ADAM22: variants seen among roughly 807,000 people sequenced by gnomAD.
ADAM22 encodes ADAM metallopeptidase domain 22.
A neutral mutation model predicts 144.6 loss-of-function variants in ADAM22; 65 were observed. That is an observed-to-expected ratio of 0.45 (90% CI 0.37 to 0.55). The LOEUF is 0.55. ADAM22 is among the 20% of genes least tolerant of loss of function. The probability of loss-of-function intolerance (pLI) is 0.00; values close to 1 mark genes in which losing one functional copy is unlikely to be tolerated. For missense variants in ADAM22, 974 were observed against 1,184.9 expected (o/e 0.82, Z 2.61); for synonymous variants, 391 against 412.6 (o/e 0.95, Z 0.63).
intron 2 of ADAM22, among the ~76,000 whole-genome samples, chr7:87,942,757 C>T (rs1366815572): frequency 1.3e-5 from 2 of 152,308 alleles, no homozygotes; most frequent in Non-Finnish European, 2.9e-5. Flanking sequence ...CTCTCTGTTA[C>T]ACTCGTTCAT....
At chr7:87,990,644 G>T (rs549016835) in intron 3 of ADAM22, among the ~76,000 whole-genome samples, 1 of 151,832 alleles carries the variant, frequency 6.6e-6, no homozygotes, top group African/African-American at 2.4e-5. Context: ...CTAAACAAAA[G>T]GTACATTTAT....
At chr7:88,153,394 AG>A in intron 21 of ADAM22, 68 bp downstream of exon 21, 2 of 1,318,920 alleles carry the variant, frequency 1.5e-6, no homozygotes, top group Non-Finnish European at 2.1e-6. Context: ...TTGAGTGACT[AG>A]GAAGTTTCTG....
intron 7 of ADAM22, among the ~76,000 whole-genome samples, chr7:88,121,372 AT>A (rs1829263578): frequency 6.6e-6 from 1 of 152,162 alleles, no homozygotes; most frequent in African/African-American, 2.4e-5. Context: ...GTGTTTGGTC[AT>A]TTTTAGTGTA....
chr7:88,013,219 G>T (rs929045047), intron 3 of ADAM22, among the ~76,000 whole-genome samples: 1 of 152,124 alleles, frequency 6.6e-6, no homozygotes, highest in Non-Finnish European at 1.5e-5. Flanking sequence ...TATTCTCTAT[G>T]TTCACCTGTT....
chr7:87,997,061 C>G (rs189533724), intron 3 of ADAM22, among the ~76,000 whole-genome samples: 5 of 152,304 alleles, frequency 3.3e-5, no homozygotes, highest in African/African-American at 9.6e-5. Context: ...AACTGTTTAA[C>G]TCTGAAAACT....
chr7:88,097,822 C>A (rs1280874746), intron 4 of ADAM22, among the ~76,000 whole-genome samples: 2 of 152,062 alleles, frequency 1.3e-5, no homozygotes, highest in East Asian at 1.9e-4. Context: ...GCTAAAAAGT[C>A]CATATAGAGT....
chr7:88,121,263 A>G (rs553406040), intron 7 of ADAM22, among the ~76,000 whole-genome samples: 5 of 152,084 alleles, frequency 3.3e-5, no homozygotes, highest in Non-Finnish European at 7.4e-5. Flanking sequence ...CTGCTTGTCA[A>G]TTTCTATAAT....
At chr7:87,997,335 G>A (rs537881759) in intron 3 of ADAM22, among the ~76,000 whole-genome samples, 8 of 152,290 alleles carry the variant, frequency 5.3e-5, no homozygotes, top group East Asian at 1.9e-4. Flanking sequence ...CACTTAATAC[G>A]CATGAATTAG....
At chr7:88,045,547 TG>T (rs1337420978) in intron 3 of ADAM22, among the ~76,000 whole-genome samples, 2 of 152,228 alleles carry the variant, frequency 1.3e-5, no homozygotes, top group Non-Finnish European at 2.9e-5. Flanking sequence ...CATGTTTTTA[TG>T]GTGAGAACAT....
chr7:88,153,424 G>A (rs900992722), intron 21 of ADAM22, 98 bp downstream of exon 21: 4 of 944,590 alleles, frequency 4.2e-6, no homozygotes, highest in Non-Finnish European at 4.8e-6. Flanking sequence ...ATCACACAAA[G>A]TGTGCTCTTG....
intron 14 of ADAM22, among the ~76,000 whole-genome samples, chr7:88,141,123 T>G (rs1834503580): frequency 6.6e-6 from 1 of 152,236 alleles, no homozygotes; most frequent in African/African-American, 2.4e-5. Context: ...AAAGTTTACT[T>G]GGGTTCATTT....
At chr7:88,029,014 G>GTA (rs1799648681) in intron 3 of ADAM22, among the ~76,000 whole-genome samples, 1 of 151,896 alleles carries the variant, frequency 6.6e-6, no homozygotes, top group Admixed American at 6.6e-5. Flanking sequence ...TACATAGTCA[G>GTA]TATATATATT....
intron 2 of ADAM22, among the ~76,000 whole-genome samples, chr7:87,947,123 T>C (rs1843871061): frequency 6.6e-6 from 1 of 152,158 alleles, no homozygotes; most frequent in African/African-American, 2.4e-5. Flanking sequence ...ATCTGCGTGA[T>C]AGGATCATTC....
At chr7:87,962,520 T>C (rs796776364) in intron 2 of ADAM22, among the ~76,000 whole-genome samples, 124 of 152,292 alleles carry the variant, frequency 8.1e-4, no homozygotes, top group East Asian at 4.2e-3. Flanking sequence ...TTCTGATTCC[T>C]GAATACAACA....
At chr7:88,065,294 T>C (rs184470701) in intron 3 of ADAM22, among the ~76,000 whole-genome samples, 75 of 152,232 alleles carry the variant, frequency 4.9e-4, no homozygotes, top group African/African-American at 1.5e-3. Context: ...CAAACTCTAA[T>C]TGAAGAGTTT....
At chr7:88,030,399 C>A (rs1799962694) in intron 3 of ADAM22, among the ~76,000 whole-genome samples, 1 of 152,146 alleles carries the variant, frequency 6.6e-6, no homozygotes, top group Non-Finnish European at 1.5e-5. Flanking sequence ...TCCTTAATTT[C>A]TTTGAGTTTA....
Position 88,149,065 on chromosome 7 carries a change from A to T in ADAM22, c.1566+8A>T, listed in dbSNP as rs148155253. The T allele has an allele frequency of 8.4e-4, 1,348 of 1,606,468 alleles. 25 individuals carry two copies. The East Asian group carries it at 0.027, about 32-fold the overall frequency. On this transcript the variant is annotated splice_region_variant and intron_variant, in intron 18 of 31. Transcript: ENST00000413139. ...TCAGGAAATTCAAGCCAGGTAATTTACAAAATAACTGCTCTAAAACTTATG... is the reference window on the plus strand; with the variant it reads ...TCAGGAAATTCAAGCCAGGTAATTTTCAAAATAACTGCTCTAAAACTTATG...
intron 14 of ADAM22, among the ~76,000 whole-genome samples, chr7:88,137,286 A>C (rs943578428): frequency 9.9e-5 from 15 of 152,184 alleles, no homozygotes; most frequent in Admixed American, 5.2e-4. Flanking sequence ...CTGCTGAGAA[A>C]TTGTGTGAGT....
At position 88,019,700 on chromosome 7, in the gene ADAM22, A is replaced by G. The variant is rs114946667; in HGVS notation, c.323+41288A>G. Among the ~76,000 whole-genome samples, 393 of 151,548 alleles carry G rather than the reference A, an allele frequency of 2.6e-3. 1 individual carries two copies. The highest frequency in any genetic ancestry group is 9.2e-3 in the African/African-American group (378 of 41,274). ...CTGTGTCTACTTAAAAATTACAAAA[A>G]TTAGCTGGGGGTTGTGGTGCGCACC... On this transcript the variant is annotated intron_variant, in intron 3 of 31. Transcript: ENST00000413139.
Sources: gnomAD v4.1 joint callset for allele counts (sites outside exome capture counted in the v4.1 genomes callset) on GRCh38, gnomAD v4.1.1 for gene constraint, MANE v1.5 for transcripts, NCBI Gene and HGNC (gene_info 2026-07-23, HGNC 2026-07-21) for gene names.